Variants in WWOX observed in about 807,000 individuals in gnomAD.
The protein encoded by WWOX is WW domain containing oxidoreductase, also known as WW domain-containing oxidoreductase.
In WWOX, 69 loss-of-function variants were observed where a neutral mutation model predicts 46.2. That is an observed-to-expected ratio of 1.49 (90% CI 1.23 to 1.82). The LOEUF (loss-of-function observed/expected upper bound fraction) is 1.82. Ranked by LOEUF, WWOX falls within the 40% of genes most tolerant of loss-of-function variation. WWOX has a pLI of 0.00. For synonymous variants in WWOX, 359 were observed against 202.6 expected, an observed-to-expected ratio of 1.77 and a Z score of -6.56; for missense variants, 919 against 542.6, an observed-to-expected ratio of 1.69 and a Z score of -6.89.
chr16:78,720,309 C>A (rs998718310), intron 8 of WWOX, among the ~76,000 whole-genome samples: 2 of 145,186 alleles, frequency 1.4e-5, no homozygotes, highest in African/African-American at 5.7e-5. Flanking sequence ...TTATATAGAT[C>A]TTTCTGAATT....
At chr16:78,233,813 C>T (rs990333364) in intron 5 of WWOX, among the ~76,000 whole-genome samples, 1 of 152,130 alleles carries the variant, frequency 6.6e-6, no homozygotes, top group African/African-American at 2.4e-5. Context: ...AGGCGTGAGC[C>T]ACCGTGCCTG....
intron 8 of WWOX, among the ~76,000 whole-genome samples, chr16:78,969,026 G>A (rs2046418121): frequency 6.6e-6 from 1 of 152,140 alleles, no homozygotes; most frequent in African/African-American, 2.4e-5. Flanking sequence ...CCCGGGGAGT[G>A]GCTCAGCTAC....
chr16:78,276,258 C>T (rs1328669600), intron 5 of WWOX, among the ~76,000 whole-genome samples: 1 of 152,184 alleles, frequency 6.6e-6, no homozygotes, highest in Non-Finnish European at 1.5e-5. Flanking sequence ...GTTAGCTCCT[C>T]CCAGCCTCAG....
rs2303189 is a variant in WWOX at position 78,164,458 on chromosome 16, C to A, written c.516+169C>A. On this transcript the variant is annotated intron_variant, in intron 5 of 8. Coordinates refer to ENST00000566780, the MANE Select transcript of WWOX (RefSeq NM_016373.4). ...TTATGAATGAAAGCATGAGCAAGTC[C>A]ATTATTATTCACGCATTTGTTTGTA... Among the ~76,000 whole-genome samples, 24 of 152,256 alleles carry A rather than the reference C, an allele frequency of 1.6e-4. No individual in the cohort carries two copies. The East Asian group carries it at 4.4e-3, about 28-fold the overall frequency.
intron 8 of WWOX, among the ~76,000 whole-genome samples, chr16:78,788,512 G>C (rs1480864945): frequency 1.3e-5 from 2 of 152,312 alleles, no homozygotes; most frequent in East Asian, 1.9e-4. Context: ...AAACCCAAGA[G>C]GGCTGGGTTT....
intron 8 of WWOX, among the ~76,000 whole-genome samples, chr16:78,488,787 G>T (rs1762049019): frequency 6.6e-6 from 1 of 152,158 alleles, no homozygotes; most frequent in African/African-American, 2.4e-5. Context: ...TTCCTTACCT[G>T]TTGAATAGGT....
At chr16:78,261,315 A>ACATAT in intron 5 of WWOX, among the ~76,000 whole-genome samples, 1 of 151,038 alleles carries the variant, frequency 6.6e-6, no homozygotes, top group African/African-American at 2.4e-5. Context: ...ACATACATAT[A>ACATAT]AAATTAGGTA....
At chr16:78,868,270 C>T (rs977910793) in intron 8 of WWOX, among the ~76,000 whole-genome samples, 10 of 152,094 alleles carry the variant, frequency 6.6e-5, no homozygotes, top group Non-Finnish European at 8.8e-5. Context: ...TGAAGGAAGC[C>T]GGTCATAAAA....
rs3751880 is a variant in WWOX at position 78,685,200 on chromosome 16, G to A, written c.1056+252448G>A. 8.7e-4 allele frequency among the ~76,000 whole-genome samples: 132 copies of A among 152,250 alleles called. 2 individuals carry two copies. The East Asian group carries it at 0.017, about 19-fold the overall frequency. On this transcript the variant is annotated intron_variant, in intron 8 of 8. Coordinates refer to ENST00000566780, the MANE Select transcript of WWOX (RefSeq NM_016373.4). ...TGGGAGAGATCTGTGAGGTCATCTT[G>A]TCCACCCTCAGCCAGGGCAGGAGTA... is the stretch of plus-strand genomic sequence containing the variant.
chr16:78,346,983 C>A (rs1228280484), intron 5 of WWOX, among the ~76,000 whole-genome samples: 3 of 119,614 alleles, frequency 2.5e-5, no homozygotes, highest in East Asian at 1.9e-4. Context: ...CCTCGGCCTC[C>A]CAAAGTGCTG....
chr16:79,210,883 C>A (rs16949960), intron 8 of WWOX, among the ~76,000 whole-genome samples: 2,874 of 152,270 alleles, frequency 0.019, 97 homozygotes, highest in African/African-American at 0.066. Flanking sequence ...TTGCAACTTA[C>A]ATTTTGAAGT....
chr16:78,866,735 A>C (rs2044012428), intron 8 of WWOX, among the ~76,000 whole-genome samples: 1 of 152,196 alleles, frequency 6.6e-6, no homozygotes, highest in African/African-American at 2.4e-5. Context: ...ATAAACCAGG[A>C]ATGCACTGTT....
chr16:78,930,374 C>T (rs1312941623), intron 8 of WWOX, among the ~76,000 whole-genome samples: 1 of 150,884 alleles, frequency 6.6e-6, no homozygotes, highest in Non-Finnish European at 1.5e-5. Context: ...ACCTCCTGGG[C>T]TCAGGCGATC....
intron 8 of WWOX, among the ~76,000 whole-genome samples, chr16:78,773,408 T>G (rs2050113267): frequency 6.6e-6 from 1 of 152,190 alleles, no homozygotes; most frequent in Admixed American, 6.5e-5. Context: ...GGTAAGTCAT[T>G]GGCTGCAGAG....
At chr16:79,147,686 A>C (rs183161185) in intron 8 of WWOX, among the ~76,000 whole-genome samples, 17 of 152,132 alleles carry the variant, frequency 1.1e-4, no homozygotes, top group African/African-American at 4.1e-4. Flanking sequence ...TTTCCATGCT[A>C]TTTTACATTT....
intron 8 of WWOX, among the ~76,000 whole-genome samples, chr16:78,788,421 G>A (rs1049913413): frequency 2.0e-5 from 3 of 152,104 alleles, no homozygotes; most frequent in African/African-American, 4.8e-5. Flanking sequence ...TTTTGATTGT[G>A]AGTCTTCAGA....
At chr16:78,652,027 C>A (rs1320926794) in intron 8 of WWOX, among the ~76,000 whole-genome samples, 2 of 152,030 alleles carry the variant, frequency 1.3e-5, no homozygotes, top group East Asian at 3.9e-4. Flanking sequence ...TATTGGCATT[C>A]CTAGGACTGT....
At chr16:78,979,160 T>C (rs1208624437) in intron 8 of WWOX, among the ~76,000 whole-genome samples, 1 of 151,958 alleles carries the variant, frequency 6.6e-6, no homozygotes, top group Non-Finnish European at 1.5e-5. Context: ...TCTTATCTTG[T>C]TTTATGCTAC....
chr16:78,405,286 C>T (rs889754390), intron 6 of WWOX, among the ~76,000 whole-genome samples: 1 of 152,056 alleles, frequency 6.6e-6, no homozygotes, highest in African/African-American at 2.4e-5. Flanking sequence ...CTCTGGGTAA[C>T]TGTTTTGGAT....
Sources: allele counts gnomAD v4.1 joint callset (sites outside exome capture counted in the v4.1 genomes callset), GRCh38; gene constraint gnomAD v4.1.1; transcripts MANE v1.5; gene names NCBI Gene and HGNC (gene_info 2026-07-23, HGNC 2026-07-21).